The following SLC24A5 variants were observed in gnomAD, a reference collection of about 807,000 sequenced individuals.
SLC24A5 encodes the protein sodium/potassium/calcium exchanger 5.
SLC24A5 carries 46 observed loss-of-function variants against 51.6 expected under a neutral mutation model. The observed-to-expected ratio is 0.89, with a 90% CI of 0.70 to 1.14. SLC24A5 has a LOEUF of 1.14. SLC24A5 is among the 50% of genes most tolerant of loss of function. The probability of loss-of-function intolerance (pLI) is 0.00; values close to 1 mark genes in which losing one functional copy is unlikely to be tolerated. For missense variants in SLC24A5, 581 were observed against 604.1 expected (o/e 0.96, Z 0.40); for synonymous variants, 230 against 214.9 (o/e 1.07, Z -0.62).
intron 5 of SLC24A5, chr15:48,136,289 T>TG (rs2038897375): frequency 6.5e-6 from 1 of 154,494 alleles, no homozygotes; most frequent in African/African-American, 2.4e-5. Context: ...TTTATAATTA[T>TG]TATGTATGTT....
chr15:48,138,909 C>T, intron 6 of SLC24A5, 60 bp from the exon 7 acceptor site: 2 of 1,232,882 alleles, frequency 1.6e-6, no homozygotes, highest in South Asian at 2.7e-5. Context: ...TCTAAATAGG[C>T]ATTTCTAACT....
In SLC24A5 at chr15:48,139,128, G is replaced by A; in HGVS notation, c.1031G>A (p.Trp344Ter). 2.5e-6 allele frequency: 4 copies of A among 1,612,910 alleles called. No individual in the cohort carries two copies. Among genetic ancestry groups the A allele is most frequent in the South Asian group, 1.1e-5 (1 of 91,016 alleles). The change falls in exon 7 of 9, where the codon TGG becomes TAG. Residue 344 changes from tryptophan (W) to a stop codon, truncating the protein, a stop_gained. Transcript: ENST00000341459. LOFTEE classifies it high-confidence loss of function. ...FVITFFMSAI[W>*]ISAFTYILVW... ...ATAACCTTTTTCATGTCTGCAATATGGATATCCGCATTTACATATATCCTG... is the reference window on the plus strand; with the variant it reads ...ATAACCTTTTTCATGTCTGCAATATAGATATCCGCATTTACATATATCCTG...
intron 7 of SLC24A5, 48 bp from the exon 8 acceptor site, chr15:48,141,065 G>A (rs750377665): frequency 1.4e-6 from 2 of 1,438,678 alleles, no homozygotes; most frequent in Non-Finnish European, 1.9e-6. Context: ...GCAAAGGATG[G>A]TTAGTGAATC....
chr15:48,129,904 C>T (rs1168960587), intron 2 of SLC24A5, among the ~76,000 whole-genome samples: 1 of 151,988 alleles, frequency 6.6e-6, no homozygotes, highest in East Asian at 1.9e-4. Flanking sequence ...TAACTTAAGT[C>T]TCCTATCAAG....
intron 4 of SLC24A5, 86 bp downstream of exon 4, chr15:48,134,624 AC>A: frequency 1.0e-6 from 1 of 992,072 alleles, no homozygotes. Context: ...ACAACAGGGC[AC>A]TAATAATATG....
intron 2 of SLC24A5, among the ~76,000 whole-genome samples, chr15:48,128,352 G>A (rs1347815284): frequency 1.3e-5 from 2 of 151,892 alleles, no homozygotes; most frequent in Admixed American, 6.6e-5. Context: ...ATTATAACAC[G>A]TCTTATATGA....
intron 6 of SLC24A5, 126 bp from the exon 7 acceptor site, chr15:48,138,843 A>T (rs1461332511): frequency 1.4e-6 from 1 of 692,656 alleles, no homozygotes. Flanking sequence ...GAGGTACTCA[A>T]ATGTTTTAAA....
Position 48,121,101 on chromosome 15 carries a change from G to C in SLC24A5, c.57G>C (p.Leu19=). The C allele has an allele frequency of 1.2e-6, 2 of 1,613,956 alleles. No homozygotes were observed. ...GAAGGGCTCTGTTGCTCGGCATCCT[G>C]TGGGCCACTGCACATCTGCCTCTCT... ...WARRALLLGI[L]WATAHLPLSG... The change falls in exon 1 of 9, where the codon CTG becomes CTC. Residue 19 remains leucine (L), a synonymous_variant. Coordinates refer to ENST00000341459, the MANE Select transcript of SLC24A5 (RefSeq NM_205850.3).
intron 6 of SLC24A5, 129 bp from the exon 7 acceptor site, chr15:48,138,840 T>C: frequency 3.0e-6 from 2 of 674,234 alleles, no homozygotes; most frequent in Non-Finnish European, 5.1e-6. Flanking sequence ...AATGAGGTAC[T>C]CAAATGTTTT....
Position 48,121,181 on chromosome 15 carries a change from G to A in SLC24A5, c.121+16G>A. On this transcript the variant is annotated intron_variant, in intron 1 of 8. Transcript: ENST00000341459. The stretch of plus-strand genomic sequence containing the variant: ...AGGGCCACAGGTAGGTGGACATTGG[G>A]GTCAGTTAGCTCTGCAGCAGCAGCT... The A allele has an allele frequency of 6.2e-7, 1 of 1,602,538 alleles. No individual in the cohort carries two copies. The highest frequency in any genetic ancestry group is 8.5e-7 in the Non-Finnish European group (1 of 1,174,200).
At chr15:48,131,544 T>G (rs1423932016) in intron 2 of SLC24A5, among the ~76,000 whole-genome samples, 1 of 151,998 alleles carries the variant, frequency 6.6e-6, no homozygotes, top group East Asian at 1.9e-4. Context: ...ACTTCCTCTC[T>G]CACCATGTGA....
At position 48,142,429 on chromosome 15, in the gene SLC24A5, A is replaced by G; in HGVS notation, c.*78A>G. 1 of 1,104,876 alleles carries G rather than the reference A, an allele frequency of 9.1e-7. No individual in the cohort carries two copies. The highest frequency in any genetic ancestry group is 1.2e-6 in the Non-Finnish European group (1 of 804,938). The allele number at this position is 1,104,876 out of a possible 1,614,324, so 68.4% of individuals were successfully genotyped here. ...AAAAATCCATTTCTTCATTTAAATCAAATTTTAAAAATCTTGAACCTTAGA... is the reference window on the plus strand; with the variant it reads ...AAAAATCCATTTCTTCATTTAAATCGAATTTTAAAAATCTTGAACCTTAGA... On this transcript the variant is annotated 3_prime_UTR_variant, in exon 9 of 9. Transcript: ENST00000341459.
chr15:48,134,670 A>G (rs1333561693), intron 4 of SLC24A5, 132 bp downstream of exon 4: 2 of 738,790 alleles, frequency 2.7e-6, no homozygotes, highest in Non-Finnish European at 4.4e-6. Flanking sequence ...GAAAAACAAC[A>G]TGTATTCAAT....
At chr15:48,122,561 A>G (rs1567219724) in intron 2 of SLC24A5, 2 of 159,958 alleles carry the variant, frequency 1.3e-5, no homozygotes, top group Non-Finnish European at 2.7e-5. Flanking sequence ...AGATAGATGA[A>G]TAAGTCCTGT....
In SLC24A5 at chr15:48,126,683, C is replaced by A. The variant is rs1189808505; in HGVS notation, c.301+4647C>A. Among the ~76,000 whole-genome samples, 31 of 152,102 alleles carry A rather than the reference C, an allele frequency of 2.0e-4. 1 individual carries two copies. The highest frequency in any genetic ancestry group is 2.4e-5 in the African/African-American group (1 of 41,406). On this transcript the variant is annotated intron_variant, in intron 2 of 8. Transcript: ENST00000341459. ...CTCTAGAATGTTACCCGGATGGATA[C>A]CCTGAGGGGTGTGTATGAGAGACAG...
chr15:48,140,937 TA>T, intron 7 of SLC24A5, 175 bp from the exon 8 acceptor site: 1 of 515,678 alleles, frequency 1.9e-6, no homozygotes, highest in Non-Finnish European at 3.5e-6. Flanking sequence ...TTACCCGAAT[TA>T]CCAGCCTGAT....
chr15:48,134,252 G>C lies in SLC24A5; in HGVS notation c.302-6G>C, dbSNP rs200860337. 1.2e-6 allele frequency: 2 copies of C among 1,612,788 alleles called. No individual in the cohort carries two copies. The highest frequency in any genetic ancestry group is 2.7e-5 in the African/African-American group (2 of 74,866). On this transcript the variant is annotated splice_region_variant and splice_polypyrimidine_tract_variant and intron_variant, in intron 2 of 8. Transcript: ENST00000341459. Reference sequence around the variant, plus strand: ...TAGGCATAACAATCATTTCATTTATGTTCAGCCCTTGGATTGTCTCAGGAT... The same window carrying C: ...TAGGCATAACAATCATTTCATTTATCTTCAGCCCTTGGATTGTCTCAGGAT...
chr15:48,133,157 T>G (rs1245783430), intron 2 of SLC24A5, among the ~76,000 whole-genome samples: 1 of 152,042 alleles, frequency 6.6e-6, no homozygotes, highest in East Asian at 1.9e-4. Flanking sequence ...GACTGAAGCG[T>G]CAAAAACCAA....
rs368154636 is a variant in SLC24A5, at chr15:48,141,132, C to T, written c.1098C>T (p.Pro366=). 1.9e-5 allele frequency: 30 copies of T among 1,612,702 alleles called. No homozygotes were observed. Among genetic ancestry groups the T allele is most frequent in the South Asian group, 3.3e-5 (3 of 91,018 alleles). Residue 366 remains proline, a synonymous_variant, in exon 8 of 9, where the codon CCC becomes CCT. Coordinates refer to ENST00000341459, the MANE Select transcript of SLC24A5 (RefSeq NM_205850.3). ...TTACAGGGGAAACACTAGAAATTCC[C>T]GATACAGTAATGGGCCTTACTTTAT... The part of the protein sequence containing the change: ...VTITGETLEI[P]DTVMGLTLLA...
Sources: allele counts gnomAD v4.1 joint callset (sites outside exome capture counted in the v4.1 genomes callset), GRCh38; gene constraint gnomAD v4.1.1; transcripts MANE v1.5; gene names NCBI Gene and HGNC (gene_info 2026-07-23, HGNC 2026-07-21).